The following CAPN11 variants were observed in gnomAD, a reference collection of about 807,000 sequenced individuals.
CAPN11 encodes calpain 11.
Under a neutral mutation model 105.3 loss-of-function variants are expected in CAPN11, and 108 were observed. The ratio of observed to expected loss-of-function variants is 1.03; its 90% CI spans 0.88 to 1.20. The LOEUF (loss-of-function observed/expected upper bound fraction) is 1.20, where lower values mean the gene tolerates loss of function less well. Among genes scored for constraint, CAPN11 ranks in the 50% most tolerant of loss-of-function variants. The pLI, the probability that CAPN11 is intolerant of heterozygous loss-of-function variation, is 0.00. For synonymous variants in CAPN11, 329 were observed against 344.5 expected, an observed-to-expected ratio of 0.96 and a Z score of 0.50; for missense variants, 883 against 924.8, an observed-to-expected ratio of 0.95 and a Z score of 0.59.
At chr6:44,178,609 C>T (rs1028483593) in intron 12 of CAPN11, among the ~76,000 whole-genome samples, 1 of 151,968 alleles carries the variant, frequency 6.6e-6, no homozygotes, top group Non-Finnish European at 1.5e-5. Flanking sequence ...AGACTGGTGC[C>T]TCAGGATAAC....
At chr6:44,158,994 A>T in intron 1 of CAPN11, 130 bp downstream of exon 1, 1 of 515,138 alleles carries the variant, frequency 1.9e-6, no homozygotes, top group Middle Eastern at 3.4e-4. Context: ...CTTCCATCAG[A>T]CTGGATGCCC....
chr6:44,165,050 G>A (rs1769568654), intron 1 of CAPN11, among the ~76,000 whole-genome samples: 1 of 151,934 alleles, frequency 6.6e-6, no homozygotes, highest in African/African-American at 2.4e-5. Flanking sequence ...CACCACACCT[G>A]GCTAATTTTT....
At chr6:44,175,729 A>G (rs534553380) in intron 7 of CAPN11, among the ~76,000 whole-genome samples, 92 of 151,732 alleles carry the variant, frequency 6.1e-4, no homozygotes, top group Non-Finnish European at 1.2e-3. Flanking sequence ...GTGAGCCGAG[A>G]TCTCACCACT....
intron 4 of CAPN11, 76 bp downstream of exon 4, chr6:44,170,051 CT>C (rs769783832): frequency 2.2e-5 from 26 of 1,189,480 alleles, no homozygotes; most frequent in Non-Finnish European, 2.9e-5. Context: ...TCTTTTGAAG[CT>C]GGGAAACAGG....
intron 1 of CAPN11, 59 bp downstream of exon 1, chr6:44,158,923 C>T (rs1470912121): frequency 4.2e-6 from 6 of 1,425,752 alleles, no homozygotes; most frequent in East Asian, 2.5e-5. Context: ...GAGCCTCCCC[C>T]CAGGGGAGGA....
rs1561854249 is a variant in CAPN11 at position 44,181,552 on chromosome 6, CTCACATACAGACACAACCACACCACACAT to C, written c.1938+233_1938+261del. On this transcript the variant is annotated intron_variant, in intron 19 of 22. Coordinates refer to ENST00000398776, the MANE Select transcript of CAPN11 (RefSeq NM_007058.4). ...CACACCACACTCACACACACACACA[CTCACATACAGACACAACCACACCACACAT>C]ACACACTCACATACAGACACAACCA... Among the ~76,000 whole-genome samples, 158 of 70,674 alleles carry C rather than the reference CTCACATACAGACACAACCACACCACACAT, an allele frequency of 2.2e-3. 2 individuals are homozygous for C. The highest frequency in any genetic ancestry group is 2.7e-3 in the Non-Finnish European group (89 of 32,530). 46.4% of individuals were successfully genotyped at this position (70,674 alleles called of 152,430 possible).
chr6:44,161,579 C>G (rs1768816832), intron 1 of CAPN11, among the ~76,000 whole-genome samples: 1 of 152,134 alleles, frequency 6.6e-6, no homozygotes, highest in Non-Finnish European at 1.5e-5. Flanking sequence ...GAGTAATGAC[C>G]TCACACCCTG....
At chr6:44,173,449 T>C in intron 7 of CAPN11, 63 bp downstream of exon 7, 1 of 1,097,106 alleles carries the variant, frequency 9.1e-7, no homozygotes, top group African/African-American at 1.6e-5. Context: ...CCCAAAAGGC[T>C]CTTCCCCCAG....
chr6:44,168,451 G>T (rs922139049), intron 2 of CAPN11, among the ~76,000 whole-genome samples: 2 of 151,204 alleles, frequency 1.3e-5, no homozygotes, highest in African/African-American at 2.4e-5. Flanking sequence ...TGTATTTTTA[G>T]TAGAGACGGG....
At position 44,158,825 on chromosome 6, in the gene CAPN11, T is replaced by C; in HGVS notation, c.-24T>C. 1.9e-6 allele frequency: 3 copies of C among 1,550,856 alleles called. No individual in the cohort carries two copies. Among genetic ancestry groups the C allele is most frequent in the Non-Finnish European group, 2.6e-6 (3 of 1,146,558 alleles). On this transcript the variant is annotated 5_prime_UTR_variant, in exon 1 of 23. Coordinates refer to ENST00000398776, the MANE Select transcript of CAPN11 (RefSeq NM_007058.4). ...CCCCTCCCACCAGAACCTTCAACTG[T>C]CAAGCACCGAGCTAGCCACCAGCAT...
rs961630888 is a variant in CAPN11 at position 44,176,876 on chromosome 6, T to C, written c.1115T>C (p.Leu372Pro). Residue 372 changes from leucine to proline, a missense_variant, in exon 11 of 23, where the codon CTG becomes CCG. By Grantham distance (98) the Leu-to-Pro change is moderately conservative. Transcript: ENST00000398776. ...YQDFLNNFTL[L>P]EICNLTPDTL... ...GATTTCCTGAACAACTTCACGCTCC[T>C]GGAGATCTGCAACCTCACGCCTGAT... 6.2e-7 allele frequency: 1 copy of C among 1,613,918 alleles called. No individual in the cohort carries two copies. The highest frequency in any genetic ancestry group is 1.1e-5 in the South Asian group (1 of 91,082).
At chr6:44,175,362 C>A (rs1167764562) in intron 7 of CAPN11, among the ~76,000 whole-genome samples, 7 of 152,046 alleles carry the variant, frequency 4.6e-5, no homozygotes, top group Non-Finnish European at 1.0e-4. Flanking sequence ...AGCCTGTAGT[C>A]CCAGCTACTC....
chr6:44,182,909 T>A, intron 19 of CAPN11, 32 bp from the exon 20 acceptor site: 2 of 1,507,982 alleles, frequency 1.3e-6, no homozygotes, highest in Non-Finnish European at 1.8e-6. Flanking sequence ...ATGCCATGCA[T>A]GTGGCCCTAC....
intron 19 of CAPN11, 114 bp downstream of exon 19, chr6:44,181,434 C>CACACCACACTCACACACACACACACG (rs1561853696): frequency 1.9e-6 from 1 of 526,462 alleles, no homozygotes; most frequent in African/African-American, 3.2e-5. Flanking sequence ...ACACACACAC[C>CACACCACACTCACACACACACACACG]CAACCACACC....
At position 44,176,242 on chromosome 6, in the gene CAPN11, C is replaced by A; in HGVS notation, c.916-11C>A. On this transcript the variant is annotated splice_polypyrimidine_tract_variant and intron_variant, in intron 8 of 22. Coordinates refer to ENST00000398776, the MANE Select transcript of CAPN11 (RefSeq NM_007058.4). ...CATAACTCTGACCTTTAACCACCCC[C>A]GCCCACCCAGGTCCACTACAGAGGC... is the stretch of plus-strand genomic sequence containing the variant. 1 of 1,508,430 alleles carries A rather than the reference C, an allele frequency of 6.6e-7. No homozygotes were observed. The highest frequency in any genetic ancestry group is 9.1e-7 in the Non-Finnish European group (1 of 1,101,730). 93.4% of individuals were successfully genotyped at this position (1,508,430 alleles called of 1,614,324 possible).
At chr6:44,183,676 C>G (rs1197173889) in intron 21 of CAPN11, 29 bp from the exon 22 acceptor site, 1 of 1,609,250 alleles carries the variant, frequency 6.2e-7, no homozygotes, top group Non-Finnish European at 8.5e-7. Context: ...AGCATTCAGC[C>G]CCTCTCCCCC....
In CAPN11 at chr6:44,167,922, A is replaced by AAC. The variant is rs1412745747; in HGVS notation, c.88+1094_88+1095insCA. 5.3e-3 allele frequency among the ~76,000 whole-genome samples: 804 copies of AAC among 151,764 alleles called. 12 individuals are homozygous for AAC. Among genetic ancestry groups the AAC allele is most frequent in the African/African-American group, 0.018 (763 of 41,372 alleles). On this transcript the variant is annotated intron_variant, in intron 2 of 22. Transcript: ENST00000398776. The stretch of plus-strand genomic sequence containing the variant: ...CAGAGTGAGACTCTGTTTTGAAAAA[A>AAC]AAAACAAAACAAAAAACCAAAGGAT...
chr6:44,180,525 G>A (rs1235873037), intron 15 of CAPN11, 26 bp downstream of exon 15: 2 of 1,613,876 alleles, frequency 1.2e-6, no homozygotes, highest in South Asian at 1.1e-5. Flanking sequence ...AGGGCTGGGG[G>A]TTGGAAGGAA....
In CAPN11 at chr6:44,181,015, G is replaced by C; in HGVS notation, c.1869+18G>C. The C allele has an allele frequency of 6.2e-7, 1 of 1,608,070 alleles. No individual in the cohort carries two copies. Among genetic ancestry groups the C allele is most frequent in the Non-Finnish European group, 8.5e-7 (1 of 1,174,792 alleles). On this transcript the variant is annotated intron_variant, in intron 18 of 22. Coordinates refer to ENST00000398776, the MANE Select transcript of CAPN11 (RefSeq NM_007058.4). ...TCATGGATGTATCCTCCTGTCCAGT[G>C]CTCTCTTGGCCCTGTCCCCTGCCCA...
Sources: allele counts gnomAD v4.1 joint callset (sites outside exome capture counted in the v4.1 genomes callset), GRCh38; gene constraint gnomAD v4.1.1; transcripts MANE v1.5; gene names NCBI Gene and HGNC (gene_info 2026-07-23, HGNC 2026-07-21).